The following DYNLL1 variants were observed in gnomAD, a reference collection of about 807,000 sequenced individuals.
DYNLL1 encodes the protein dynein light chain LC8-type 1.
DYNLL1 carries 3 observed loss-of-function variants against 10.1 expected under a neutral mutation model. That is an observed-to-expected ratio of 0.30 (90% CI 0.14 to 0.77). DYNLL1 has a LOEUF of 0.77. Among genes scored for constraint, DYNLL1 ranks in the 30% least tolerant of loss-of-function variants. The pLI, the probability that DYNLL1 is intolerant of heterozygous loss-of-function variation, is 0.66. For missense variants in DYNLL1, 47 were observed against 111.7 expected (o/e 0.42, Z 2.61); for synonymous variants, 46 against 41.2 (o/e 1.12, Z -0.45).
chr12:120,471,759 T>A (rs1208119645), intron 1 of DYNLL1, among the ~76,000 whole-genome samples: 1 of 151,998 alleles, frequency 6.6e-6, no homozygotes, highest in African/African-American at 2.4e-5. Flanking sequence ...TACAGGTGCC[T>A]GCCACCACGC....
intron 1 of DYNLL1, among the ~76,000 whole-genome samples, chr12:120,480,691 TC>T: frequency 6.6e-6 from 1 of 152,174 alleles, no homozygotes; most frequent in East Asian, 1.9e-4. Flanking sequence ...TCTAGAACTT[TC>T]CTTTGAGTTT....
chr12:120,493,968 T>C (rs1027364095), upstream of DYNLL1: 1 of 152,068 alleles, frequency 6.6e-6, no homozygotes, highest in Non-Finnish European at 1.5e-5. Context: ...ATGATGATAG[T>C]ATTATTATAG....
intron 1 of DYNLL1, chr12:120,490,654 C>T (rs1879103675): frequency 6.6e-6 from 1 of 152,152 alleles, no homozygotes; most frequent in Non-Finnish European, 1.5e-5. Flanking sequence ...AGTGATTTCA[C>T]CCTCCAGAAG....
At chr12:120,470,527 C>T (rs1013673152) in intron 1 of DYNLL1, among the ~76,000 whole-genome samples, 1 of 152,122 alleles carries the variant, frequency 6.6e-6, no homozygotes, top group South Asian at 2.1e-4. Context: ...AGTGCAATGG[C>T]GCGAACACGG....
chr12:120,494,763 G>A (rs2137069528), upstream of DYNLL1, among the ~76,000 whole-genome samples: 1 of 152,240 alleles, frequency 6.6e-6, no homozygotes, highest in South Asian at 2.1e-4. Context: ...GCCACAAATT[G>A]TTTTAAGGAG....
chr12:120,487,208 C>T (rs1179389640), intron 1 of DYNLL1, among the ~76,000 whole-genome samples: 1 of 141,892 alleles, frequency 7.0e-6, no homozygotes, highest in African/African-American at 2.6e-5. Context: ...TCTCTGACCT[C>T]GTGATCCACC....
chr12:120,487,001 G>A (rs904779382), intron 1 of DYNLL1, among the ~76,000 whole-genome samples: 1 of 146,600 alleles, frequency 6.8e-6, no homozygotes, highest in African/African-American at 2.5e-5. Flanking sequence ...TTGAGATGCA[G>A]TCTCGCTCTG....
intron 2 of DYNLL1, chr12:120,497,746 C>A: frequency 4.0e-6 from 1 of 249,520 alleles, no homozygotes; most frequent in East Asian, 1.0e-4. Context: ...ACATGATAAA[C>A]TACACCTGTT....
chr12:120,486,361 A>G (rs1261644132), intron 1 of DYNLL1, among the ~76,000 whole-genome samples: 1 of 152,128 alleles, frequency 6.6e-6, no homozygotes, highest in African/African-American at 2.4e-5. Context: ...TGATCCTAAG[A>G]TGATAAGTTT....
intron 2 of DYNLL1, chr12:120,497,381 A>G (rs1868482257): frequency 6.6e-6 from 1 of 152,584 alleles, no homozygotes; most frequent in South Asian, 2.1e-4. Context: ...TGTTCCTACA[A>G]CTTGCTAACC....
chr12:120,482,391 C>T (rs1041055845), intron 1 of DYNLL1, among the ~76,000 whole-genome samples: 1 of 151,606 alleles, frequency 6.6e-6, no homozygotes, highest in Admixed American at 6.6e-5. Context: ...GGCGCCATCT[C>T]GGCTCGCTGC....
At chr12:120,497,830 T>C in intron 2 of DYNLL1, 1 of 513,836 alleles carries the variant, frequency 1.9e-6, no homozygotes, top group African/African-American at 1.9e-5. Context: ...ACACCCTGTC[T>C]TTAGGGCTGA....
chr12:120,496,020 T>C (rs913000526), upstream of DYNLL1: 18 of 312,304 alleles, frequency 5.8e-5, no homozygotes, highest in South Asian at 2.4e-4. Context: ...GTGGGCTGCG[T>C]CAAGCCAATA....
Position 120,498,221 on chromosome 12 carries a change from T to C in DYNLL1, c.*11T>C. 1 of 1,608,176 alleles carries C rather than the reference T, an allele frequency of 6.2e-7. No homozygotes were observed. The highest frequency in any genetic ancestry group is 8.5e-7 in the Non-Finnish European group (1 of 1,179,022). On this transcript the variant is annotated 3_prime_UTR_variant, in exon 3 of 3. Coordinates refer to ENST00000242577, the MANE Select transcript of DYNLL1 (RefSeq NM_003746.3). ...TTCAAATCTGGTTAAAAGCATGGAC[T>C]GTGCCACACACCCAGTGATCCATCC... is the stretch of plus-strand genomic sequence containing the variant.
chr12:120,498,350 G>C lies in DYNLL1; in HGVS notation c.*140G>C. 1 of 1,003,880 alleles carries C rather than the reference G, an allele frequency of 1.0e-6. No homozygotes were observed. The highest frequency in any genetic ancestry group is 1.4e-6 in the Non-Finnish European group (1 of 712,428). 62.2% of individuals were successfully genotyped at this position (1,003,880 alleles called of 1,614,324 possible). ...TGAACCTTTGTTGTGTTTTGTACAG[G>C]GCATTCTCTGTACTAGTTTGTCGTG... is the stretch of plus-strand genomic sequence containing the variant. On this transcript the variant is annotated 3_prime_UTR_variant, in exon 3 of 3. Coordinates refer to ENST00000242577, the MANE Select transcript of DYNLL1 (RefSeq NM_003746.3).
rs1868536257 is a variant in DYNLL1 at position 120,498,322 on chromosome 12, G to C, written c.*112G>C. 7.3e-7 allele frequency: 1 copy of C among 1,370,700 alleles called. No homozygotes were observed. The highest frequency in any genetic ancestry group is 1.4e-5 in the South Asian group (1 of 69,452). 84.9% of individuals were successfully genotyped at this position (1,370,700 alleles called of 1,614,324 possible). ...AGCCTTGCTAAGGGAACATCTCGAT[G>C]TTTGAACCTTTGTTGTGTTTTGTAC... On this transcript the variant is annotated 3_prime_UTR_variant, in exon 3 of 3. Transcript: ENST00000242577.
At chr12:120,493,841 G>C (rs1481549051), upstream of DYNLL1, 1 of 149,888 alleles carries the variant, frequency 6.7e-6, no homozygotes, top group Non-Finnish European at 1.5e-5. Context: ...GGATGGTCTT[G>C]ATCTCCTGAC....
At chr12:120,493,623 AT>A (rs1166524622), upstream of DYNLL1, among the ~76,000 whole-genome samples, 3 of 150,766 alleles carry the variant, frequency 2.0e-5, no homozygotes, top group Non-Finnish European at 4.4e-5. Context: ...TTATTTATTT[AT>A]TTTTTTTGAG....
In DYNLL1 at chr12:120,496,375, G is replaced by A. The variant is rs768713675; in HGVS notation, c.-6-41G>A. On this transcript the variant is annotated intron_variant, in intron 1 of 2. Transcript: ENST00000242577. ...TGGGGGCAGTTAGTGCCTGGGGGGC[G>A]CGGCCCAACTCAACCCCTTACCCCA... 5 of 1,610,494 alleles carry A rather than the reference G, an allele frequency of 3.1e-6. No homozygotes were observed. In the South Asian group the frequency reaches 5.5e-5, roughly 18 times the overall value.
Sources: allele counts gnomAD v4.1 joint callset (sites outside exome capture counted in the v4.1 genomes callset), GRCh38; gene constraint gnomAD v4.1.1; transcripts MANE v1.5; gene names NCBI Gene and HGNC (gene_info 2026-07-23, HGNC 2026-07-21).